Variants in GABRB2 observed in about 807,000 individuals in gnomAD.
GABRB2 encodes the protein gamma-aminobutyric acid receptor subunit beta-2.
Under a neutral mutation model 54.7 loss-of-function variants are expected in GABRB2, and 16 were observed. The observed-to-expected ratio is 0.29, with a 90% confidence interval of 0.20 to 0.44. GABRB2 has a LOEUF of 0.44. GABRB2 is among the 20% of genes least tolerant of loss of function. The probability of loss-of-function intolerance (pLI) is 1.00; values close to 1 mark genes in which losing one functional copy is unlikely to be tolerated. For missense variants in GABRB2, 355 were observed against 644.0 expected, an observed-to-expected ratio of 0.55 and a Z score of 4.86; for synonymous variants, 244 against 233.8, an observed-to-expected ratio of 1.04 and a Z score of -0.40.
At chr5:161,512,469 G>T (rs1019181683) in intron 3 of GABRB2, among the ~76,000 whole-genome samples, 2 of 152,010 alleles carry the variant, frequency 1.3e-5, no homozygotes, top group Admixed American at 1.3e-4. Context: ...AATGGGGAAG[G>T]GACTCTCTAC....
chr5:161,482,991 T>C (rs1758810653), intron 3 of GABRB2, among the ~76,000 whole-genome samples: 1 of 152,052 alleles, frequency 6.6e-6, no homozygotes, highest in Non-Finnish European at 1.5e-5. Context: ...CATGATCAAA[T>C]GTGTCAGGAG....
At chr5:161,420,170 T>C (rs1029025776) in intron 4 of GABRB2, among the ~76,000 whole-genome samples, 3 of 152,042 alleles carry the variant, frequency 2.0e-5, no homozygotes, top group African/African-American at 7.2e-5. Flanking sequence ...CACATCAGAG[T>C]CATACCATTT....
intron 4 of GABRB2, among the ~76,000 whole-genome samples, chr5:161,441,448 G>A (rs1757462863): frequency 6.6e-6 from 1 of 152,262 alleles, no homozygotes; most frequent in African/African-American, 2.4e-5. Context: ...CAAAAGACAA[G>A]CAATAACAAA....
At chr5:161,425,167 A>G (rs1756963247) in intron 4 of GABRB2, among the ~76,000 whole-genome samples, 1 of 152,136 alleles carries the variant, frequency 6.6e-6, no homozygotes, top group South Asian at 2.1e-4. Flanking sequence ...TTGAAATAAC[A>G]ATGAAGAACT....
intron 4 of GABRB2, among the ~76,000 whole-genome samples, chr5:161,445,180 A>G (rs749757202): frequency 2.0e-5 from 3 of 152,158 alleles, no homozygotes; most frequent in Non-Finnish European, 2.9e-5. Flanking sequence ...CTTATATTCT[A>G]GTGGTGACAG....
At chr5:161,296,502 G>A (rs1281094566) in intron 9 of GABRB2, among the ~76,000 whole-genome samples, 1 of 152,152 alleles carries the variant, frequency 6.6e-6, no homozygotes, top group Non-Finnish European at 1.5e-5. Context: ...ATTATTGGCA[G>A]CTATGGATTC....
At chr5:161,494,006 A>G (rs2113359672) in intron 3 of GABRB2, among the ~76,000 whole-genome samples, 1 of 151,886 alleles carries the variant, frequency 6.6e-6, no homozygotes, top group African/African-American at 2.4e-5. Flanking sequence ...ATGTATACAT[A>G]TTTTGCAACA....
chr5:161,475,438 G>A (rs569247742), intron 3 of GABRB2, among the ~76,000 whole-genome samples: 119 of 151,912 alleles, frequency 7.8e-4, no homozygotes, highest in Non-Finnish European at 1.5e-3. Flanking sequence ...ATCTCATCCA[G>A]AAAAAATAGG....
At chr5:161,344,760 C>A (rs1754269284) in intron 5 of GABRB2, among the ~76,000 whole-genome samples, 1 of 152,032 alleles carries the variant, frequency 6.6e-6, no homozygotes, top group Admixed American at 6.6e-5. Context: ...TTTATTGCAG[C>A]ACTGTACCCA....
At chr5:161,461,502 G>A (rs1464856788) in intron 3 of GABRB2, among the ~76,000 whole-genome samples, 2 of 151,994 alleles carry the variant, frequency 1.3e-5, no homozygotes, top group Non-Finnish European at 2.9e-5. Context: ...TAATCAGAAG[G>A]TTATTATGAA....
intron 3 of GABRB2, among the ~76,000 whole-genome samples, chr5:161,537,494 C>T (rs35171228): frequency 0.3 from 45,707 of 152,106 alleles, 7,146 homozygotes; most frequent in Admixed American, 0.41. Context: ...GTCTTCCCTA[C>T]ATCAGTAAAG....
intron 4 of GABRB2, among the ~76,000 whole-genome samples, chr5:161,433,891 C>G (rs1757241517): frequency 6.6e-6 from 1 of 152,056 alleles, no homozygotes; most frequent in Non-Finnish European, 1.5e-5. Context: ...ATTCATCTGT[C>G]AATCCTTTAC....
At chr5:161,451,002 C>A (rs1035952762) in intron 4 of GABRB2, among the ~76,000 whole-genome samples, 2 of 151,838 alleles carry the variant, frequency 1.3e-5, no homozygotes, top group East Asian at 1.9e-4. Flanking sequence ...CACTCAATAT[C>A]TTTATGAAAA....
chr5:161,310,642 C>T (rs1757833405), intron 9 of GABRB2, among the ~76,000 whole-genome samples: 4 of 151,416 alleles, frequency 2.6e-5, no homozygotes, highest in Middle Eastern at 3.2e-3. Context: ...TGGTTTCTTT[C>T]GTGTACACAC....
intron 3 of GABRB2, among the ~76,000 whole-genome samples, chr5:161,488,231 T>G (rs926105122): frequency 1.0e-5 from 1 of 95,590 alleles, no homozygotes; most frequent in Non-Finnish European, 2.8e-5. Flanking sequence ...GCTTTTAGTT[T>G]TTTTTTTTTT....
chr5:161,401,898 T>C (rs1756203361), intron 5 of GABRB2, among the ~76,000 whole-genome samples: 1 of 152,158 alleles, frequency 6.6e-6, no homozygotes, highest in Non-Finnish European at 1.5e-5. Flanking sequence ...GATGGAAATG[T>C]TCTATTTGTC....
intron 9 of GABRB2, among the ~76,000 whole-genome samples, chr5:161,311,586 C>G (rs1389986400): frequency 1.3e-5 from 2 of 152,222 alleles, no homozygotes; most frequent in African/African-American, 2.4e-5. Context: ...TGGTCTCAGA[C>G]TCAACTACAG....
intron 4 of GABRB2, among the ~76,000 whole-genome samples, chr5:161,418,933 CG>C (rs1315645323): frequency 6.6e-6 from 1 of 152,084 alleles, no homozygotes; most frequent in Non-Finnish European, 1.5e-5. Flanking sequence ...TCGAGACCAG[CG>C]GGGGAAGCAT....
chr5:161,291,679 T>C lies in GABRB2; in HGVS notation c.*2402A>G, dbSNP rs1218827704. 1.3e-5 allele frequency: 2 copies of C among 152,642 alleles called. No homozygotes were observed. Among genetic ancestry groups the C allele is most frequent in the African/African-American group, 4.8e-5 (2 of 41,458 alleles). 9.5% of individuals were successfully genotyped at this position (152,642 alleles called of 1,614,324 possible). A position where few individuals can be genotyped will look rare whatever the true frequency, so the allele number is the denominator to read the frequency against. On this transcript the variant is annotated 3_prime_UTR_variant, in exon 10 of 10. Coordinates refer to ENST00000393959, the MANE Select transcript of GABRB2 (RefSeq NM_001371727.1). ...TTCTCTACACTTTGATCTGGATTGT[T>C]CTGTTGACTTTCTTGGACATCTAAA... is the stretch of plus-strand genomic sequence containing the variant.
Sources: gnomAD v4.1 joint callset for allele counts (sites outside exome capture counted in the v4.1 genomes callset) on GRCh38, gnomAD v4.1.1 for gene constraint, MANE v1.5 for transcripts, NCBI Gene and HGNC (gene_info 2026-07-23, HGNC 2026-07-21) for gene names.